Variants in THSD4 observed in about 807,000 individuals in gnomAD.
THSD4 encodes thrombospondin type 1 domain containing 4, also known as thrombospondin type-1 domain-containing protein 4.
A neutral mutation model predicts 119.0 loss-of-function variants in THSD4; 69 were observed. The observed-to-expected ratio is 0.58, with a 90% CI of 0.48 to 0.71. The LOEUF (loss-of-function observed/expected upper bound fraction) is 0.71. THSD4 is among the 30% of genes least tolerant of loss of function. The pLI is 0.00. For synonymous variants in THSD4, 524 were observed against 540.4 expected (o/e 0.97, Z 0.42); for missense variants, 1,393 against 1,391.1 (o/e 1.00, Z -0.02).
intron 8 of THSD4, among the ~76,000 whole-genome samples, chr15:71,696,330 T>G (rs1384056024): frequency 6.6e-6 from 1 of 152,046 alleles, no homozygotes; most frequent in Non-Finnish European, 1.5e-5. Context: ...GAACCTCACT[T>G]TATAACAACC....
At chr15:71,478,998 C>A (rs1207052471) in intron 7 of THSD4, among the ~76,000 whole-genome samples, 1 of 152,018 alleles carries the variant, frequency 6.6e-6, no homozygotes, top group Non-Finnish European at 1.5e-5. Context: ...AACTATAATC[C>A]TTAACACCAG....
rs79686482 is a variant in THSD4, at chr15:71,350,096, A to T, written c.1016-61591A>T. 4.6e-3 allele frequency among the ~76,000 whole-genome samples: 694 copies of T among 150,796 alleles called. 5 individuals are homozygous for T. The highest frequency in any genetic ancestry group is 0.016 in the African/African-American group (673 of 41,140). ...ATAGTGTATCCTTGCCCAGCTGGGG[A>T]GATAGATTTCCAGCCTTATAATAAT... On this transcript the variant is annotated intron_variant, in intron 6 of 17. Coordinates refer to ENST00000261862, the MANE Select transcript of THSD4 (RefSeq NM_024817.3).
At chr15:71,343,821 T>A (rs1246718182) in intron 6 of THSD4, among the ~76,000 whole-genome samples, 1 of 150,874 alleles carries the variant, frequency 6.6e-6, no homozygotes, top group Non-Finnish European at 1.5e-5. Context: ...CAGATGATCG[T>A]CCTACCTCAG....
chr15:71,667,501 G>A (rs2051439436), intron 8 of THSD4, among the ~76,000 whole-genome samples: 1 of 152,164 alleles, frequency 6.6e-6, no homozygotes, highest in Non-Finnish European at 1.5e-5. Flanking sequence ...AGACTTGGAA[G>A]GAATTTTTAA....
At chr15:71,297,508 G>A (rs1427679467) in intron 6 of THSD4, among the ~76,000 whole-genome samples, 17 of 151,974 alleles carry the variant, frequency 1.1e-4, no homozygotes, top group Admixed American at 1.0e-3. Context: ...GCTAATTTTT[G>A]TATTCTTAGT....
intron 7 of THSD4, among the ~76,000 whole-genome samples, chr15:71,581,223 A>T (rs1225779210): frequency 1.3e-5 from 2 of 152,004 alleles, no homozygotes; most frequent in African/African-American, 4.8e-5. Flanking sequence ...ACCAACACTT[A>T]ATCTTTTGTC....
intron 6 of THSD4, chr15:71,342,307 C>T (rs2045591180): frequency 6.3e-6 from 1 of 159,960 alleles, no homozygotes; most frequent in African/African-American, 2.4e-5. Flanking sequence ...GCACAGTACT[C>T]ACGGTGCACA....
chr15:71,524,959 C>T (rs533667277), intron 7 of THSD4, among the ~76,000 whole-genome samples: 4 of 151,056 alleles, frequency 2.6e-5, no homozygotes, highest in African/African-American at 9.7e-5. Context: ...TCCCTCCCTC[C>T]CTTGTCCATG....
intron 6 of THSD4, among the ~76,000 whole-genome samples, chr15:71,278,679 G>A (rs2044618599): frequency 6.6e-6 from 1 of 152,146 alleles, no homozygotes; most frequent in African/African-American, 2.4e-5. Context: ...CAAGGAGTTT[G>A]TTCGATTGTG....
intron 7 of THSD4, among the ~76,000 whole-genome samples, chr15:71,532,263 T>TGAGAGAGA (rs112859786): frequency 0.015 from 1,078 of 71,594 alleles, 30 homozygotes; most frequent in Non-Finnish European, 0.02. Flanking sequence ...CAACAAAGGG[T>TGAGAGAGA]GAGAGAGAGA....
At chr15:71,681,842 T>C (rs2051788734) in intron 8 of THSD4, among the ~76,000 whole-genome samples, 2 of 152,182 alleles carry the variant, frequency 1.3e-5, no homozygotes, top group South Asian at 4.1e-4. Flanking sequence ...CGGAAGTTGA[T>C]CAACACTTGT....
chr15:71,729,896 C>T (rs1012244287), intron 9 of THSD4: 1 of 152,080 alleles, frequency 6.6e-6, no homozygotes, highest in African/African-American at 2.4e-5. Context: ...CCTGAGGTCA[C>T]ACAACCGTGT....
chr15:71,487,332 A>G (rs2047838223), intron 7 of THSD4, among the ~76,000 whole-genome samples: 1 of 152,182 alleles, frequency 6.6e-6, no homozygotes, highest in South Asian at 2.1e-4. Context: ...TGTTTTCCTT[A>G]AGCACTGGAA....
chr15:71,297,963 G>A (rs946554904), intron 6 of THSD4, among the ~76,000 whole-genome samples: 1 of 151,980 alleles, frequency 6.6e-6, no homozygotes, highest in Non-Finnish European at 1.5e-5. Flanking sequence ...TGGTTTATCT[G>A]TTTTTTTCCT....
intron 6 of THSD4, among the ~76,000 whole-genome samples, chr15:71,326,521 ACAAAAATCAG>A (rs953779660): frequency 1.3e-5 from 2 of 149,752 alleles, no homozygotes; most frequent in Non-Finnish European, 3.0e-5. Flanking sequence ...TACTAAAAAT[ACAAAAATCAG>A]CCAGGTGTGG....
intron 6 of THSD4, among the ~76,000 whole-genome samples, chr15:71,332,275 T>A (rs539436969): frequency 6.6e-6 from 1 of 152,314 alleles, no homozygotes; most frequent in East Asian, 1.9e-4. Context: ...GTCAATTTCA[T>A]TGCCTGTAGT....
chr15:71,180,245 A>T (rs189089071), intron 3 of THSD4, among the ~76,000 whole-genome samples: 49 of 152,280 alleles, frequency 3.2e-4, no homozygotes, highest in African/African-American at 1.2e-3. Flanking sequence ...TGCAAATCAT[A>T]TATCTGATAA....
At chr15:71,381,670 A>G (rs2046230691) in intron 6 of THSD4, among the ~76,000 whole-genome samples, 1 of 152,196 alleles carries the variant, frequency 6.6e-6, no homozygotes, top group Admixed American at 6.5e-5. Flanking sequence ...ATCTAATGAG[A>G]ATTCATTATA....
At chr15:71,342,961 G>A (rs1376001448) in intron 6 of THSD4, 1 of 152,258 alleles carries the variant, frequency 6.6e-6, no homozygotes, top group Non-Finnish European at 1.5e-5. Flanking sequence ...GGTCTTAAGA[G>A]ACAGCCTTTG....
Sources: gnomAD v4.1 joint callset for allele counts (sites outside exome capture counted in the v4.1 genomes callset) on GRCh38, gnomAD v4.1.1 for gene constraint, MANE v1.5 for transcripts, NCBI Gene and HGNC (gene_info 2026-07-23, HGNC 2026-07-21) for gene names.